Variants in C1orf54 observed in about 807,000 individuals in gnomAD.
The protein encoded by C1orf54 is chromosome 1 open reading frame 54, also known as uncharacterized protein C1orf54.
A neutral mutation model predicts 14.7 loss-of-function variants in C1orf54; 12 were observed. The ratio of observed to expected loss-of-function variants is 0.82; its 90% CI spans 0.52 to 1.32. The LOEUF is 1.32. Ranked by LOEUF, C1orf54 falls within the 40% of genes most tolerant of loss-of-function variation. The pLI is 0.00. For synonymous variants in C1orf54, 65 were observed against 56.3 expected (o/e 1.16, Z -0.70); for missense variants, 163 against 162.2 (o/e 1.00, Z -0.03).
intron 4 of C1orf54, among the ~76,000 whole-genome samples, chr1:150,277,550 G>C (rs993532426): frequency 8.6e-5 from 13 of 150,478 alleles, no homozygotes; most frequent in Non-Finnish European, 1.3e-4. Flanking sequence ...TGCACAGGAG[G>C]GGGGAATAGA....
In C1orf54 at chr1:150,279,688, C is replaced by G. The variant is rs1452015767; in HGVS notation, c.346C>G (p.Pro116Ala). The G allele has an allele frequency of 6.2e-7, 1 of 1,613,024 alleles. No homozygotes were observed. Among genetic ancestry groups the G allele is most frequent in the Non-Finnish European group, 8.5e-7 (1 of 1,179,608 alleles). The change falls in exon 5 of 6, where the codon CCC becomes GCC. Residue 116 changes from proline to alanine, a missense_variant. By Grantham distance (27) the Pro-to-Ala change is conservative. Transcript: ENST00000369099. ...DAVSSLRSPI[P>A]LLLSCAFVQV... ...CGTGTCCAGTTTGCGAAGTCCTATT[C>G]CCCTCCTCCTGTCGTGTGCCTTTGT...
intron 1 of C1orf54, among the ~76,000 whole-genome samples, 170 bp downstream of exon 1, chr1:150,273,033 G>C (rs782805956): frequency 1.3e-5 from 2 of 152,118 alleles, no homozygotes; most frequent in Non-Finnish European, 2.9e-5. Context: ...GGAAGGCAGA[G>C]CCAGGAAAGG....
intron 4 of C1orf54, among the ~76,000 whole-genome samples, chr1:150,277,336 C>T (rs1553852702): frequency 1.3e-5 from 2 of 151,814 alleles, no homozygotes; most frequent in African/African-American, 4.8e-5. Flanking sequence ...AACCCCATCT[C>T]TACTAAAAAT....
intron 4 of C1orf54, among the ~76,000 whole-genome samples, chr1:150,278,134 T>C (rs1652818869): frequency 1.3e-5 from 2 of 152,140 alleles, no homozygotes. Flanking sequence ...TCAGGTTGTA[T>C]GCAGGATGTA....
At chr1:150,273,004 G>A in intron 1 of C1orf54, 141 bp downstream of exon 1, 1 of 954,176 alleles carries the variant, frequency 1.0e-6, no homozygotes, top group Admixed American at 2.0e-5. Context: ...GTCCGGTGTT[G>A]AGGGCAGAAT....
upstream of C1orf54, among the ~76,000 whole-genome samples, chr1:150,269,737 G>C (rs1652064660): frequency 6.6e-6 from 1 of 152,040 alleles, no homozygotes; most frequent in South Asian, 2.1e-4. Flanking sequence ...TTTTCCTGAG[G>C]CTGAGAGGGG....
intron 4 of C1orf54, among the ~76,000 whole-genome samples, chr1:150,277,108 T>C (rs1489039394): frequency 6.6e-6 from 1 of 152,202 alleles, no homozygotes; most frequent in East Asian, 1.9e-4. Flanking sequence ...TCAAGAGGCA[T>C]TTGTGCTTGA....
intron 4 of C1orf54, among the ~76,000 whole-genome samples, chr1:150,278,981 T>C (rs1172798441): frequency 6.6e-6 from 1 of 152,192 alleles, no homozygotes; most frequent in Non-Finnish European, 1.5e-5. Context: ...CTTTTTGAAG[T>C]ATACAGTAGG....
At chr1:150,271,941 C>A (rs1207206868), upstream of C1orf54, among the ~76,000 whole-genome samples, 1 of 152,092 alleles carries the variant, frequency 6.6e-6, no homozygotes, top group African/African-American at 2.4e-5. Flanking sequence ...GAGTTCGAGA[C>A]CAGCCTGGGC....
chr1:150,272,737 G>T (rs975509981), upstream of C1orf54: 7 of 1,415,670 alleles, frequency 4.9e-6, no homozygotes, highest in Non-Finnish European at 7.0e-6. Flanking sequence ...TGCTTTGGAG[G>T]AGGAGGGGAG....
Position 150,273,149 on chromosome 1 carries a change from A to G in C1orf54, c.46+286A>G, listed in dbSNP as rs10494266. ...TCCATCACCACGGAAGTTGAACAAG[A>G]TGACAGGGGCTAAAGTAAGGGTGAA... On this transcript the variant is annotated intron_variant, in intron 1 of 5. Coordinates refer to ENST00000369099, the MANE Select transcript of C1orf54 (RefSeq NM_024579.4). Among the ~76,000 whole-genome samples, 18,135 of 152,206 alleles carry G rather than the reference A, an allele frequency of 0.12. 1,343 individuals are homozygous for G. The highest frequency in any genetic ancestry group is 0.35 in the East Asian group (1,794 of 5,166).
chr1:150,272,362 C>T (rs371946605), upstream of C1orf54: 7 of 167,212 alleles, frequency 4.2e-5, no homozygotes, highest in Non-Finnish European at 6.5e-5. Context: ...TCCACTGTGA[C>T]GAAAAGAGAC....
At chr1:150,270,671 G>A (rs1175380186), upstream of C1orf54, among the ~76,000 whole-genome samples, 1 of 151,202 alleles carries the variant, frequency 6.6e-6, no homozygotes, top group Non-Finnish European at 1.5e-5. Context: ...ATATTTACAT[G>A]GAAAGTCACC....
chr1:150,272,779 T>C, upstream of C1orf54: 2 of 1,612,126 alleles, frequency 1.2e-6, no homozygotes, highest in Non-Finnish European at 1.7e-6. Context: ...ACTCTGTAAT[T>C]TCCTTTTTTA....
intron 1 of C1orf54, 50 bp downstream of exon 1, chr1:150,272,913 A>T (rs1560040732): frequency 1.9e-6 from 3 of 1,595,432 alleles, no homozygotes; most frequent in Non-Finnish European, 1.7e-6. Context: ...TCTACCATAA[A>T]TGGGGTGGGA....
At chr1:150,279,769 G>C in intron 5 of C1orf54, 28 bp downstream of exon 5, 1 of 1,556,208 alleles carries the variant, frequency 6.4e-7, no homozygotes, top group African/African-American at 1.4e-5. Flanking sequence ...GGCTTTGGGG[G>C]AGTCTGTGAA....
chr1:150,272,285 T>C (rs782623426), upstream of C1orf54: 3 of 159,358 alleles, frequency 1.9e-5, no homozygotes, highest in Non-Finnish European at 4.2e-5. Flanking sequence ...TCTCTATAGC[T>C]CCAGACAGAC....
chr1:150,268,968 G>A, upstream of C1orf54: 1 of 612,546 alleles, frequency 1.6e-6, no homozygotes, highest in Non-Finnish European at 2.9e-6. Context: ...GGGGGGAACC[G>A]AAACCCCAAA....
chr1:150,279,690 C>T lies in C1orf54; in HGVS notation c.348C>T (p.Pro116=). The change falls in exon 5 of 6, where the codon CCC becomes CCT. Residue 116 remains proline, a synonymous_variant. Coordinates refer to ENST00000369099, the MANE Select transcript of C1orf54 (RefSeq NM_024579.4). ...TGTCCAGTTTGCGAAGTCCTATTCCCCTCCTCCTGTCGTGTGCCTTTGTTC... is the reference window on the plus strand; with the variant it reads ...TGTCCAGTTTGCGAAGTCCTATTCCTCTCCTCCTGTCGTGTGCCTTTGTTC... ...DAVSSLRSPI[P]LLLSCAFVQV... 2 of 1,613,126 alleles carry T rather than the reference C, an allele frequency of 1.2e-6. No individual in the cohort carries two copies. Among genetic ancestry groups the T allele is most frequent in the Non-Finnish European group, 1.7e-6 (2 of 1,179,592 alleles).
Sources: gnomAD v4.1 joint callset for allele counts (sites outside exome capture counted in the v4.1 genomes callset) on GRCh38, gnomAD v4.1.1 for gene constraint, MANE v1.5 for transcripts, NCBI Gene and HGNC (gene_info 2026-07-23, HGNC 2026-07-21) for gene names.